Variants in UBE2L3 observed in about 807,000 individuals in gnomAD.
The protein encoded by UBE2L3 is ubiquitin conjugating enzyme E2 L3, also known as ubiquitin-conjugating enzyme E2 L3.
In UBE2L3, 1 loss-of-function variant was observed where a neutral mutation model predicts 17.8. The ratio of observed to expected loss-of-function variants is 0.06; its 90% confidence interval spans 0.02 to 0.27. The LOEUF (loss-of-function observed/expected upper bound fraction) is 0.27. UBE2L3 is among the 10% of genes least tolerant of loss of function. The pLI, the probability that UBE2L3 is intolerant of heterozygous loss-of-function variation, is 1.00. For synonymous variants in UBE2L3, 44 were observed against 68.5 expected (o/e 0.64, Z 1.76); for missense variants, 40 against 192.6 (o/e 0.21, Z 4.69).
chr22:21,561,118 G>A (rs1298247295), intron 1 of UBE2L3, among the ~76,000 whole-genome samples: 1 of 152,270 alleles, frequency 6.6e-6, no homozygotes, highest in Non-Finnish European at 1.5e-5. Context: ...GGCCCTCACA[G>A]TCCAAGAACA....
At chr22:21,555,554 GGCAGAGGTT>G (rs1170648472) in intron 1 of UBE2L3, 3 of 156,142 alleles carry the variant, frequency 1.9e-5, no homozygotes, top group African/African-American at 7.2e-5. Context: ...GAACCCGCGA[GGCAGAGGTT>G]GCAGTGAGCC....
intron 1 of UBE2L3, among the ~76,000 whole-genome samples, chr22:21,560,640 G>A (rs1236151218): frequency 2.0e-5 from 3 of 150,748 alleles, no homozygotes; most frequent in African/African-American, 7.4e-5. Context: ...TAGCAGAGAC[G>A]AGGTTTCACC....
chr22:21,587,819 G>T (rs922082496), intron 1 of UBE2L3, among the ~76,000 whole-genome samples: 1 of 152,176 alleles, frequency 6.6e-6, no homozygotes, highest in Non-Finnish European at 1.5e-5. Context: ...CCTGGAGTGG[G>T]CATCAAGCTC....
At chr22:21,608,082 C>A (rs1421966882) in intron 2 of UBE2L3, among the ~76,000 whole-genome samples, 1 of 152,102 alleles carries the variant, frequency 6.6e-6, no homozygotes, top group Non-Finnish European at 1.5e-5. Context: ...AATAAGAAAA[C>A]AACAATAAAT....
chr22:21,557,772 T>C (rs453542), intron 1 of UBE2L3, among the ~76,000 whole-genome samples: 122,739 of 152,114 alleles, frequency 0.81, 47,449 homozygotes, highest in African/African-American at 0.88. Context: ...CCACCCTCTT[T>C]GGCCTTCCAA....
intron 1 of UBE2L3, among the ~76,000 whole-genome samples, chr22:21,576,550 G>A (rs60071620): frequency 0.033 from 5,024 of 151,476 alleles, 238 homozygotes; most frequent in African/African-American, 0.11. Context: ...CTCCTGCCTC[G>A]GTCTCCCAAA....
At chr22:21,584,034 C>T in intron 1 of UBE2L3, among the ~76,000 whole-genome samples, 1 of 152,000 alleles carries the variant, frequency 6.6e-6, no homozygotes. Flanking sequence ...TGCCACCATG[C>T]TGGGCTAATT....
chr22:21,580,081 C>T (rs1338410289), intron 1 of UBE2L3, among the ~76,000 whole-genome samples: 2 of 152,190 alleles, frequency 1.3e-5, no homozygotes, highest in Non-Finnish European at 2.9e-5. Flanking sequence ...TTGGTCAATA[C>T]TATTCCAGAG....
intron 1 of UBE2L3, among the ~76,000 whole-genome samples, chr22:21,584,484 A>G (rs1467095912): frequency 6.6e-6 from 1 of 151,478 alleles, no homozygotes; most frequent in African/African-American, 2.4e-5. Flanking sequence ...CTCGGCCTAA[A>G]TTTTAAATTT....
At chr22:21,598,939 C>G (rs1176678124) in intron 2 of UBE2L3, among the ~76,000 whole-genome samples, 1 of 151,870 alleles carries the variant, frequency 6.6e-6, no homozygotes. Flanking sequence ...CTCCTGGGTT[C>G]AAGCAATCTT....
At position 21,567,782 on chromosome 22, in the gene UBE2L3, T is replaced by G. The variant is rs1449878731; in HGVS notation, c.27+11T>G. ...AGGAGGCTGATGAAGGTAAAAGCCA[T>G]TCTCTGGCAGCGGCCGGGCGTGGGG... On this transcript the variant is annotated intron_variant, in intron 1 of 3. Transcript: ENST00000342192. 6.3e-7 allele frequency: 1 copy of G among 1,579,942 alleles called. No individual in the cohort carries two copies.
At chr22:21,586,897 T>A (rs1252221262) in intron 1 of UBE2L3, among the ~76,000 whole-genome samples, 4 of 130,120 alleles carry the variant, frequency 3.1e-5, no homozygotes, top group East Asian at 2.8e-4. Context: ...TTTTTTTTTT[T>A]AAGATAGGTT....
At chr22:21,552,220 C>G (rs959596524) in intron 1 of UBE2L3, among the ~76,000 whole-genome samples, 1 of 152,232 alleles carries the variant, frequency 6.6e-6, no homozygotes, top group African/African-American at 2.4e-5. Context: ...GAGATGGGGC[C>G]TCACTCTGTC....
intron 1 of UBE2L3, among the ~76,000 whole-genome samples, chr22:21,588,755 C>T (rs563966377): frequency 6.6e-6 from 1 of 152,046 alleles, no homozygotes; most frequent in South Asian, 2.1e-4. Flanking sequence ...CCTCCGCCTC[C>T]TGGGTTCAAG....
intron 3 of UBE2L3, among the ~76,000 whole-genome samples, chr22:21,620,111 T>C (rs987835178): frequency 4.6e-5 from 7 of 151,728 alleles, no homozygotes; most frequent in Non-Finnish European, 2.9e-5. Flanking sequence ...CTGGGCAACA[T>C]AGTGAGACCC....
intron 1 of UBE2L3, among the ~76,000 whole-genome samples, chr22:21,569,348 T>C (rs1926830071): frequency 1.4e-5 from 2 of 147,424 alleles, no homozygotes; most frequent in African/African-American, 2.5e-5. Context: ...GTGAGCCAAG[T>C]TTGCACCACT....
chr22:21,609,913 C>T (rs1192996536), intron 2 of UBE2L3, among the ~76,000 whole-genome samples: 1 of 152,098 alleles, frequency 6.6e-6, no homozygotes, highest in Admixed American at 6.6e-5. Flanking sequence ...GTAATCCCAG[C>T]TACTTGGGAG....
At position 21,552,170 on chromosome 22, in the gene UBE2L3, ATACCTGG is replaced by A. The variant is rs1484878486; in HGVS notation, c.201+2521_201+2527del. Among the ~76,000 whole-genome samples, 308 of 152,216 alleles carry A rather than the reference ATACCTGG, an allele frequency of 2.0e-3. No individual in the cohort carries two copies. The East Asian group carries it at 0.055, about 27-fold the overall frequency. On this transcript the variant is annotated intron_variant, in intron 1 of 3. Coordinates refer to the UBE2L3 transcript ENST00000458578. ...TTTTGGAGACATGGATGGACACCTG[ATACCTGG>A]CAGTCTGCATCGAGACATTGATTTT...
chr22:21,573,945 C>G (rs1174957462), intron 1 of UBE2L3, among the ~76,000 whole-genome samples: 1 of 152,180 alleles, frequency 6.6e-6, no homozygotes, highest in Non-Finnish European at 1.5e-5. Context: ...TGAGCTACCT[C>G]TCTATAGAGG....
Sources: allele counts gnomAD v4.1 joint callset (sites outside exome capture counted in the v4.1 genomes callset), GRCh38; gene constraint gnomAD v4.1.1; transcripts MANE v1.5; gene names NCBI Gene and HGNC (gene_info 2026-07-23, HGNC 2026-07-21).